The following MAMLD1 variants were observed in gnomAD, a reference collection of about 807,000 sequenced individuals.
MAMLD1 encodes the protein mastermind-like domain-containing protein 1.
MAMLD1 carries 14 observed loss-of-function variants against 45.0 expected under a neutral mutation model. The observed-to-expected ratio is 0.31, with a 90% CI of 0.21 to 0.49. The LOEUF (loss-of-function observed/expected upper bound fraction) is 0.49, where lower values mean the gene tolerates loss of function less well. Among genes scored for constraint, MAMLD1 ranks in the 20% least tolerant of loss-of-function variants. MAMLD1 has a pLI of 0.99. For synonymous variants in MAMLD1, 254 were observed against 247.8 expected, an observed-to-expected ratio of 1.02 and a Z score of -0.24; for missense variants, 543 against 603.6, an observed-to-expected ratio of 0.90 and a Z score of 1.05.
chrX:150,453,645 C>G (rs1194175769), intron 2 of MAMLD1, among the ~76,000 whole-genome samples: 1 of 111,962 alleles, frequency 8.9e-6, no homozygotes, highest in African/African-American at 3.2e-5. Context: ...CTTAAGTCCC[C>G]CGATGGCTTC....
intron 6 of MAMLD1, chrX:150,504,580 A>G (rs1557408733): frequency 1.9e-6 from 1 of 520,165 alleles, no homozygotes; most frequent in East Asian, 1.8e-4. Context: ...CAAAGCTGCC[A>G]GGGAAACAGA....
chrX:150,366,754 G>GC (rs1424822763), intron 1 of MAMLD1, among the ~76,000 whole-genome samples: 3 of 111,490 alleles, frequency 2.7e-5, no homozygotes, highest in Non-Finnish European at 5.7e-5. Context: ...GGGCCGCCCT[G>GC]CCCTCTCCCG....
intron 1 of MAMLD1, among the ~76,000 whole-genome samples, chrX:150,423,634 G>A (rs1557403681): frequency 1.8e-5 from 2 of 109,445 alleles, no homozygotes; most frequent in Non-Finnish European, 3.8e-5. Flanking sequence ...GAGAGAGAGA[G>A]AGAGAGTATA....
At chrX:150,405,998 G>A (rs2033984315) in intron 1 of MAMLD1, among the ~76,000 whole-genome samples, 1 of 111,607 alleles carries the variant, frequency 9.0e-6, no homozygotes, top group South Asian at 3.9e-4. Flanking sequence ...TGGATTTAAA[G>A]TGATGGGGTG....
chrX:150,399,310 C>T (rs781902564), intron 1 of MAMLD1, among the ~76,000 whole-genome samples: 68 of 111,868 alleles, frequency 6.1e-4, no homozygotes, highest in African/African-American at 2.2e-3. Context: ...TGATGTGTCA[C>T]TCATACAGAG....
intron 1 of MAMLD1, among the ~76,000 whole-genome samples, chrX:150,413,795 GA>G (rs1198559869): frequency 9.1e-6 from 1 of 110,238 alleles, no homozygotes; most frequent in Non-Finnish European, 1.9e-5. Context: ...AGTCTTTGGA[GA>G]AAAGTTTCAG....
At chrX:150,410,223 T>C (rs1557402786) in intron 1 of MAMLD1, among the ~76,000 whole-genome samples, 3 of 112,489 alleles carry the variant, frequency 2.7e-5, no homozygotes, top group East Asian at 5.6e-4. Flanking sequence ...TCTTGACTCC[T>C]AGGCCAGCTC....
intron 1 of MAMLD1, among the ~76,000 whole-genome samples, chrX:150,414,895 A>G (rs901619338): frequency 9.0e-6 from 1 of 111,658 alleles, no homozygotes; most frequent in African/African-American, 3.3e-5. Flanking sequence ...ACCCTTAAGC[A>G]TGGAGCTCAG....
chrX:150,427,126 C>T (rs1557403849), intron 1 of MAMLD1, among the ~76,000 whole-genome samples: 1 of 111,457 alleles, frequency 9.0e-6, no homozygotes, highest in Non-Finnish European at 1.9e-5. Flanking sequence ...CCTTTTTATA[C>T]AGACACCAAT....
intron 5 of MAMLD1, among the ~76,000 whole-genome samples, chrX:150,487,409 A>C (rs1054881760): frequency 8.9e-6 from 1 of 112,280 alleles, no homozygotes; most frequent in African/African-American, 3.2e-5. Flanking sequence ...GAATTGAAGA[A>C]ATTAGAAACA....
chrX:150,461,786 C>T (rs140144845), intron 2 of MAMLD1, among the ~76,000 whole-genome samples: 2,480 of 111,948 alleles, frequency 0.022, 82 homozygotes, highest in African/African-American at 0.076. Context: ...TTGACCTGGA[C>T]GATCCATGTT....
chrX:150,427,422 G>A (rs951864661), intron 1 of MAMLD1, among the ~76,000 whole-genome samples: 3 of 111,609 alleles, frequency 2.7e-5, no homozygotes, highest in Non-Finnish European at 5.7e-5. Context: ...TTTCTTTGAG[G>A]GCCAAATTTC....
intron 1 of MAMLD1, among the ~76,000 whole-genome samples, chrX:150,429,197 T>C (rs1469198289): frequency 8.2e-5 from 9 of 110,400 alleles, no homozygotes; most frequent in African/African-American, 3.0e-4. Flanking sequence ...ATTTTATCTT[T>C]ACTGGGATGT....
intron 1 of MAMLD1, among the ~76,000 whole-genome samples, chrX:150,367,842 G>A (rs1365163276): frequency 9.0e-6 from 1 of 110,971 alleles, no homozygotes; most frequent in Non-Finnish European, 1.9e-5. Context: ...AGTTTGCTGA[G>A]AATGATGGTT....
intron 5 of MAMLD1, among the ~76,000 whole-genome samples, chrX:150,474,586 TC>T (rs782583007): frequency 1.8e-5 from 2 of 111,778 alleles, no homozygotes; most frequent in Non-Finnish European, 3.8e-5. Context: ...AGCCACGCTA[TC>T]TCCAGACCCT....
intron 1 of MAMLD1, among the ~76,000 whole-genome samples, chrX:150,384,337 T>G (rs2032811016): frequency 8.9e-6 from 1 of 112,214 alleles, no homozygotes; most frequent in Non-Finnish European, 1.9e-5. Context: ...TTCATTATGA[T>G]TGTGATTTGC....
At position 150,513,345 on chromosome X, in the gene MAMLD1, T is replaced by G; in HGVS notation, c.*1386T>G. 2.7e-6 allele frequency: 1 copy of G among 374,767 alleles called. No individual in the cohort carries two copies. The highest frequency in any genetic ancestry group is 2.5e-5 in the African/African-American group (1 of 40,129). The allele number at this position is 374,767 out of a possible 1,213,427, so 30.9% of individuals were successfully genotyped here. ...TGTAAATAAAGCGACGGCTTTTGTT[T>G]CAGTAGAGTTGTGTTTACTATGCAT... On this transcript the variant is annotated 3_prime_UTR_variant, in exon 8 of 8. Transcript: ENST00000370401.
chrX:150,420,414 C>T (rs1429629979), intron 1 of MAMLD1, among the ~76,000 whole-genome samples: 5 of 108,581 alleles, frequency 4.6e-5, no homozygotes, highest in South Asian at 4.1e-4. Flanking sequence ...GTAATTTGAT[C>T]GTCTAAAGCC....
intron 1 of MAMLD1, among the ~76,000 whole-genome samples, chrX:150,401,603 G>A (rs1557402439): frequency 9.1e-6 from 1 of 110,335 alleles, no homozygotes; most frequent in Non-Finnish European, 1.9e-5. Flanking sequence ...AAAAGAGCCT[G>A]CATCGCCAAG....
Sources: gnomAD v4.1 joint callset for allele counts (sites outside exome capture counted in the v4.1 genomes callset) on GRCh38, gnomAD v4.1.1 for gene constraint, MANE v1.5 for transcripts, NCBI Gene and HGNC (gene_info 2026-07-23, HGNC 2026-07-21) for gene names.